ASIC2: variants seen among roughly 807,000 people sequenced by gnomAD.
ASIC2 encodes acid-sensing ion channel 2.
Under a neutral mutation model 57.3 loss-of-function variants are expected in ASIC2, and 25 were observed. That is an observed-to-expected ratio of 0.44 (90% CI 0.32 to 0.61). The LOEUF (loss-of-function observed/expected upper bound fraction) is 0.61, where lower values mean the gene tolerates loss of function less well. ASIC2 is among the 20% of genes least tolerant of loss of function. ASIC2 has a pLI of 0.06. For synonymous variants in ASIC2, 319 were observed against 307.5 expected (o/e 1.04, Z -0.39); for missense variants, 641 against 738.1 (o/e 0.87, Z 1.52).
At chr17:33,605,718 T>C (rs1261522673) in intron 1 of ASIC2, among the ~76,000 whole-genome samples, 1 of 152,210 alleles carries the variant, frequency 6.6e-6, no homozygotes, top group African/African-American at 2.4e-5. Flanking sequence ...GACCAGACTA[T>C]CAACAGCGCT....
intron 1 of ASIC2, among the ~76,000 whole-genome samples, chr17:33,567,396 C>T (rs1916269748): frequency 1.3e-5 from 2 of 152,160 alleles, no homozygotes; most frequent in South Asian, 2.1e-4. Flanking sequence ...GCTTGATAGC[C>T]TCACTGGGCC....
intron 1 of ASIC2, among the ~76,000 whole-genome samples, chr17:33,126,647 G>A (rs1567754625): frequency 6.6e-6 from 1 of 152,178 alleles, no homozygotes; most frequent in East Asian, 2.0e-4. Context: ...TTAGCTGGAT[G>A]TGGTGGTGTG....
At chr17:34,138,673 C>G (rs1206667996) in intron 1 of ASIC2, among the ~76,000 whole-genome samples, 1 of 152,214 alleles carries the variant, frequency 6.6e-6, no homozygotes, top group Non-Finnish European at 1.5e-5. Flanking sequence ...CACATCTGAG[C>G]AATAAAGAGT....
chr17:34,050,703 T>A (rs1415967162), intron 1 of ASIC2, among the ~76,000 whole-genome samples: 1 of 152,184 alleles, frequency 6.6e-6, no homozygotes, highest in Non-Finnish European at 1.5e-5. Flanking sequence ...TCAAGCAGCT[T>A]ATAGACCACA....
intron 1 of ASIC2, among the ~76,000 whole-genome samples, chr17:34,061,702 C>T (rs1908976047): frequency 6.6e-6 from 1 of 152,076 alleles, no homozygotes; most frequent in Non-Finnish European, 1.5e-5. Context: ...CAAATGGATA[C>T]CAAAAGTGAA....
At chr17:33,838,789 G>A (rs1401798357) in intron 1 of ASIC2, among the ~76,000 whole-genome samples, 1 of 152,086 alleles carries the variant, frequency 6.6e-6, no homozygotes, top group Non-Finnish European at 1.5e-5. Context: ...ACCAATGTCT[G>A]CCCCAACCCA....
intron 1 of ASIC2, among the ~76,000 whole-genome samples, chr17:33,506,131 A>G (rs1412596506): frequency 6.6e-6 from 1 of 151,288 alleles, no homozygotes; most frequent in Non-Finnish European, 1.5e-5. Context: ...GTGGTGGCTC[A>G]CGCCTGTAAT....
At chr17:33,862,495 T>A (rs1446493382) in intron 1 of ASIC2, among the ~76,000 whole-genome samples, 1 of 152,176 alleles carries the variant, frequency 6.6e-6, no homozygotes, top group Non-Finnish European at 1.5e-5. Flanking sequence ...CAAATCAGGG[T>A]AATCAGCAAG....
chr17:33,110,226 A>G (rs1003958774), intron 2 of ASIC2, among the ~76,000 whole-genome samples: 1 of 152,144 alleles, frequency 6.6e-6, no homozygotes, highest in Non-Finnish European at 1.5e-5. Context: ...AGATTAGATT[A>G]ATCATATAAG....
intron 1 of ASIC2, among the ~76,000 whole-genome samples, chr17:33,321,154 A>G (rs531765675): frequency 2.0e-5 from 3 of 152,308 alleles, no homozygotes; most frequent in African/African-American, 7.2e-5. Context: ...TCGTGCTTGT[A>G]TGTCTGTATC....
intron 1 of ASIC2, among the ~76,000 whole-genome samples, chr17:33,872,066 C>G (rs1567741202): frequency 2.0e-5 from 3 of 152,166 alleles, no homozygotes; most frequent in African/African-American, 7.2e-5. Flanking sequence ...CATCCCATCT[C>G]CCTTGCAAGT....
chr17:33,375,704 G>C (rs2141942160), intron 1 of ASIC2, among the ~76,000 whole-genome samples: 1 of 152,282 alleles, frequency 6.6e-6, no homozygotes. Context: ...GGTGGATGCA[G>C]GGGAGGTGGT....
intron 1 of ASIC2, among the ~76,000 whole-genome samples, chr17:33,218,207 C>T (rs1477314536): frequency 2.6e-5 from 4 of 152,224 alleles, no homozygotes; most frequent in South Asian, 2.1e-4. Context: ...ACGGCTGCCT[C>T]GGAGGGAAGT....
At chr17:33,387,194 A>G (rs534282767) in intron 1 of ASIC2, among the ~76,000 whole-genome samples, 1 of 152,250 alleles carries the variant, frequency 6.6e-6, no homozygotes, top group Non-Finnish European at 1.5e-5. Flanking sequence ...GGTCATTTAC[A>G]TGCATTCTTT....
intron 1 of ASIC2, among the ~76,000 whole-genome samples, chr17:33,911,245 G>A (rs957389867): frequency 2.0e-5 from 3 of 152,188 alleles, no homozygotes; most frequent in African/African-American, 4.8e-5. Context: ...ACAAATGAGC[G>A]TATCAGTTAG....
At chr17:33,465,192 G>C (rs1379450545) in intron 1 of ASIC2, among the ~76,000 whole-genome samples, 1 of 152,080 alleles carries the variant, frequency 6.6e-6, no homozygotes, top group Non-Finnish European at 1.5e-5. Context: ...AGGAGCTTAA[G>C]GGATTGTTAG....
intron 1 of ASIC2, chr17:33,828,466 C>T (rs1247389956): frequency 2.0e-5 from 3 of 152,160 alleles, no homozygotes; most frequent in Non-Finnish European, 4.4e-5. Context: ...GTCACCTCAT[C>T]AGTAACTTGT....
chr17:33,374,704 G>A (rs561121699), intron 1 of ASIC2, among the ~76,000 whole-genome samples: 6 of 152,318 alleles, frequency 3.9e-5, no homozygotes, highest in Non-Finnish European at 8.8e-5. Flanking sequence ...AAGTGTGAGC[G>A]TGAGGTTATG....
At chr17:33,268,136 G>A (rs1391667659) in intron 1 of ASIC2, among the ~76,000 whole-genome samples, 1 of 152,136 alleles carries the variant, frequency 6.6e-6, no homozygotes, top group East Asian at 1.9e-4. Context: ...TGACAGAGGA[G>A]TGATTATTGC....
Sources: gnomAD v4.1 joint callset for allele counts (sites outside exome capture counted in the v4.1 genomes callset) on GRCh38, gnomAD v4.1.1 for gene constraint, MANE v1.5 for transcripts, NCBI Gene and HGNC (gene_info 2026-07-23, HGNC 2026-07-21) for gene names.